Variants in NME7 observed in about 807,000 individuals in gnomAD.
NME7 encodes the protein NME/NM23 family member 7.
Under a neutral mutation model 49.1 loss-of-function variants are expected in NME7, and 41 were observed. The observed-to-expected ratio is 0.83, with a 90% confidence interval of 0.65 to 1.08. NME7 has a LOEUF of 1.08. Ranked by LOEUF, NME7 falls within the 50% of genes least tolerant of loss-of-function variation. The pLI is 0.00. For missense variants in NME7, 423 were observed against 463.4 expected (o/e 0.91, Z 0.80); for synonymous variants, 139 against 150.6 (o/e 0.92, Z 0.56).
chr1:169,260,624 G>A (rs184119403), intron 7 of NME7, among the ~76,000 whole-genome samples: 1 of 132,212 alleles, frequency 7.6e-6, no homozygotes, highest in East Asian at 2.0e-4. Flanking sequence ...AGCATGGTAG[G>A]AGGAAACTCT....
chr1:169,342,129 T>C (rs867278824), intron 1 of NME7, among the ~76,000 whole-genome samples: 3 of 152,138 alleles, frequency 2.0e-5, no homozygotes, highest in Non-Finnish European at 2.9e-5. Flanking sequence ...CACCCAAATC[T>C]CATTTCGAAT....
At chr1:169,153,881 TA>T (rs1432399200) in intron 11 of NME7, among the ~76,000 whole-genome samples, 6 of 150,258 alleles carry the variant, frequency 4.0e-5, no homozygotes, top group Non-Finnish European at 4.4e-5. Context: ...TTTTTTTTTT[TA>T]TTTTTTGTAG....
At chr1:169,171,439 T>C (rs1392755057) in intron 10 of NME7, among the ~76,000 whole-genome samples, 2 of 152,202 alleles carry the variant, frequency 1.3e-5, no homozygotes, top group African/African-American at 4.8e-5. Flanking sequence ...AAGTGTCTGC[T>C]ACATGCACAG....
At chr1:169,328,232 TC>T (rs1652134834) in intron 1 of NME7, among the ~76,000 whole-genome samples, 1 of 152,074 alleles carries the variant, frequency 6.6e-6, no homozygotes, top group Non-Finnish European at 1.5e-5. Flanking sequence ...TTTGTGAGAG[TC>T]CAAAAGACCT....
chr1:169,193,032 C>T (rs1003691237), intron 10 of NME7, among the ~76,000 whole-genome samples: 23 of 152,050 alleles, frequency 1.5e-4, no homozygotes, highest in African/African-American at 5.3e-4. Context: ...TCATGCTTGG[C>T]CAGGTGCAGT....
chr1:169,306,036 T>C (rs901760942), intron 4 of NME7, among the ~76,000 whole-genome samples: 6 of 152,148 alleles, frequency 3.9e-5, no homozygotes, highest in African/African-American at 1.4e-4. Flanking sequence ...TTCTGAACGA[T>C]GAATAGGAAT....
rs1050879353 is a variant in NME7 at position 169,256,396 on chromosome 1, C to T, written c.755-18709G>A. ...CTGCGTTCTTCACGTAGTTCTCGAG[C>T]CTTGGTTTTCAGCTCCATCAGCTCC... On this transcript the variant is annotated intron_variant, in intron 7 of 11. Transcript: ENST00000367811. Among the ~76,000 whole-genome samples the T allele has an allele frequency of 4.5e-5, 6 of 134,052 alleles. 2 individuals are homozygous for T. Among genetic ancestry groups the T allele is most frequent in the African/African-American group, 1.3e-4 (5 of 39,550 alleles). 87.9% of individuals were successfully genotyped at this position (134,052 alleles called of 152,430 possible). A position where few individuals can be genotyped will look rare whatever the true frequency, so the allele number is the denominator to read the frequency against.
intron 7 of NME7, among the ~76,000 whole-genome samples, chr1:169,264,473 C>T (rs982137837): frequency 7.5e-6 from 1 of 133,214 alleles, no homozygotes; most frequent in African/African-American, 2.5e-5. Flanking sequence ...AATCTTTAAG[C>T]CAAATAGATT....
intron 10 of NME7, among the ~76,000 whole-genome samples, chr1:169,229,924 T>C (rs1647528159): frequency 6.6e-6 from 1 of 150,966 alleles, no homozygotes; most frequent in South Asian, 2.1e-4. Context: ...ATTGCACCGC[T>C]GCACTCTACA....
At chr1:169,139,922 C>CACAAAAA (rs763878268) in intron 11 of NME7, among the ~76,000 whole-genome samples, 1 of 152,176 alleles carries the variant, frequency 6.6e-6, no homozygotes, top group Non-Finnish European at 1.5e-5. Flanking sequence ...AACTATTTTT[C>CACAAAAA]TTCTTTTGCC....
chr1:169,216,493 C>T (rs140436012), intron 10 of NME7, among the ~76,000 whole-genome samples: 3 of 152,380 alleles, frequency 2.0e-5, no homozygotes, highest in East Asian at 1.9e-4. Flanking sequence ...CCTTCTTATA[C>T]ATTTCCTTTG....
intron 1 of NME7, among the ~76,000 whole-genome samples, chr1:169,329,830 T>C (rs970145686): frequency 1.3e-5 from 2 of 152,014 alleles, no homozygotes; most frequent in African/African-American, 2.4e-5. Context: ...AATATCCAAA[T>C]ACAAGACGAT....
intron 6 of NME7, among the ~76,000 whole-genome samples, chr1:169,297,089 T>G (rs917936620): frequency 2.0e-5 from 3 of 152,066 alleles, no homozygotes; most frequent in African/African-American, 7.3e-5. Context: ...TTCTCCCACC[T>G]TAGCCTCTGG....
intron 5 of NME7, 59 bp from the exon 6 acceptor site, chr1:169,298,822 T>A: frequency 7.6e-7 from 1 of 1,320,740 alleles, no homozygotes; most frequent in Non-Finnish European, 1.1e-6. Flanking sequence ...GTATTTGTCT[T>A]AACGACAGGA....
At chr1:169,314,531 T>C (rs1363842501) in intron 3 of NME7, among the ~76,000 whole-genome samples, 1 of 152,004 alleles carries the variant, frequency 6.6e-6, no homozygotes, top group African/African-American at 2.4e-5. Context: ...AAGCTCAGGA[T>C]AAGATGTCAG....
chr1:169,248,955 T>G (rs1162385697), intron 7 of NME7, among the ~76,000 whole-genome samples: 1 of 152,200 alleles, frequency 6.6e-6, no homozygotes, highest in Non-Finnish European at 1.5e-5. Flanking sequence ...AGGATTGCTT[T>G]GGCTATTCAG....
At chr1:169,203,645 T>C (rs745788172) in intron 10 of NME7, among the ~76,000 whole-genome samples, 4 of 152,144 alleles carry the variant, frequency 2.6e-5, no homozygotes, top group Non-Finnish European at 4.4e-5. Context: ...TGGTGGTCTC[T>C]AATCAGGAAG....
At chr1:169,365,560 T>C (rs1045459044) in intron 1 of NME7, among the ~76,000 whole-genome samples, 1 of 145,882 alleles carries the variant, frequency 6.9e-6, no homozygotes, top group South Asian at 2.1e-4. Context: ...GGCAAGAGAA[T>C]TTTTTTTTTT....
intron 6 of NME7, among the ~76,000 whole-genome samples, chr1:169,296,520 C>A (rs1650714919): frequency 1.4e-5 from 2 of 147,802 alleles, no homozygotes; most frequent in Admixed American, 1.3e-4. Context: ...ACTTCTCTAT[C>A]TATACCTTCT....
Sources: gnomAD v4.1 joint callset for allele counts (sites outside exome capture counted in the v4.1 genomes callset) on GRCh38, gnomAD v4.1.1 for gene constraint, MANE v1.5 for transcripts, NCBI Gene and HGNC (gene_info 2026-07-23, HGNC 2026-07-21) for gene names.